The following ZSCAN5A variants were observed in gnomAD, a reference collection of about 807,000 sequenced individuals.
ZSCAN5A encodes zinc finger and SCAN domain containing 5A.
ZSCAN5A carries 12 observed loss-of-function variants against 23.7 expected under a neutral mutation model. That is an observed-to-expected ratio of 0.51 (90% CI 0.32 to 0.82). The LOEUF (loss-of-function observed/expected upper bound fraction) is 0.82, where lower values mean the gene tolerates loss of function less well. Ranked by LOEUF, ZSCAN5A falls within the 40% of genes least tolerant of loss-of-function variation. ZSCAN5A has a pLI of 0.03. For missense variants in ZSCAN5A, 597 were observed against 617.9 expected (o/e 0.97, Z 0.36); for synonymous variants, 257 against 239.9 (o/e 1.07, Z -0.66).
chr19:56,344,923 A>AAG lies in ZSCAN5A; in HGVS notation c.-358+18311_-358+18312insCT, dbSNP rs1310589771. Reference sequence around the variant, plus strand: ...AGACTCCGTCTCAAAAAAAAAAAAAAAAAAAAAAAAAAGAAAAAAAAGATA... The same window carrying AAG: ...AGACTCCGTCTCAAAAAAAAAAAAAAAGAAAAAAAAAAAAGAAAAAAAAGATA... On this transcript the variant is annotated intron_variant, in intron 2 of 6. Transcript: ENST00000587340. 9.7e-4 allele frequency among the ~76,000 whole-genome samples: 143 copies of AAG among 146,850 alleles called. 2 individuals carry two copies. Among genetic ancestry groups the AAG allele is most frequent in the African/African-American group, 3.5e-3 (136 of 39,304 alleles).
chr19:56,358,088 A>G (rs1022051362), intron 2 of ZSCAN5A, among the ~76,000 whole-genome samples: 1 of 148,772 alleles, frequency 6.7e-6, no homozygotes, highest in Non-Finnish European at 1.5e-5. Flanking sequence ...TATTCACCCA[A>G]TACAGGAGCA....
intron 2 of ZSCAN5A, among the ~76,000 whole-genome samples, chr19:56,346,928 C>CG (rs1568762510): frequency 6.6e-6 from 1 of 152,100 alleles, no homozygotes; most frequent in East Asian, 1.9e-4. Context: ...GGGGTTTCAC[C>CG]GCGTTAGCCA....
At chr19:56,243,972 A>G in intron 2 of ZSCAN5A, 1 of 629,726 alleles carries the variant, frequency 1.6e-6, no homozygotes, top group South Asian at 2.0e-5. Flanking sequence ...GCCTGTCTAG[A>G]TAGGTCTCAA....
rs68085541 is a variant in ZSCAN5A at position 56,331,578 on chromosome 19, C to CTTTTTTTTTTT, written c.-357-15321_-357-15311dup. ...CAGCTATTGTAAATGGAATTGCATT[C>CTTTTTTTTTTT]TTTTTTTTTTTTTTTTTTTTTTTTT... On this transcript the variant is annotated intron_variant, in intron 2 of 6. Coordinates refer to the ZSCAN5A transcript ENST00000587340. Among the ~76,000 whole-genome samples the CTTTTTTTTTTT allele has an allele frequency of 2.0e-4, 10 of 48,964 alleles. 2 individuals carry two copies. Among genetic ancestry groups the CTTTTTTTTTTT allele is most frequent in the African/African-American group, 5.9e-4 (7 of 11,934 alleles). The allele number at this position is 48,964 out of a possible 152,430, so 32.1% of individuals were successfully genotyped here.
intron 2 of ZSCAN5A, among the ~76,000 whole-genome samples, chr19:56,270,058 A>T (rs1212944102): frequency 6.6e-6 from 1 of 152,022 alleles, no homozygotes; most frequent in Non-Finnish European, 1.5e-5. Context: ...GTCTGTGACT[A>T]TAACAACCAG....
intron 2 of ZSCAN5A, among the ~76,000 whole-genome samples, chr19:56,253,289 C>T (rs1045287326): frequency 5.4e-5 from 8 of 147,778 alleles, no homozygotes; most frequent in African/African-American, 1.5e-4. Flanking sequence ...AAAAAAAAGT[C>T]CTCTGGATGG....
intron 2 of ZSCAN5A, among the ~76,000 whole-genome samples, chr19:56,230,339 C>T (rs1008045461): frequency 6.6e-6 from 1 of 152,134 alleles, no homozygotes; most frequent in African/African-American, 2.4e-5. Context: ...CCGCCTCGGC[C>T]TCCCAAAGTG....
chr19:56,229,430 AT>A (rs1206850532), intron 2 of ZSCAN5A, among the ~76,000 whole-genome samples: 9 of 152,312 alleles, frequency 5.9e-5, no homozygotes, highest in African/African-American at 2.2e-4. Context: ...AATTGTAACA[AT>A]TATTTTCTGA....
intron 2 of ZSCAN5A, among the ~76,000 whole-genome samples, chr19:56,332,406 T>A (rs539484229): frequency 6.6e-6 from 1 of 152,356 alleles, no homozygotes; most frequent in East Asian, 1.9e-4. Flanking sequence ...TTTATCATTA[T>A]GAAATGTTTT....
chr19:56,341,697 A>G (rs1054470703), intron 2 of ZSCAN5A, among the ~76,000 whole-genome samples: 13 of 141,478 alleles, frequency 9.2e-5, no homozygotes, highest in African/African-American at 3.1e-4. Context: ...CAGGTTACCA[A>G]AAGGCAAAAA....
At chr19:56,244,551 G>A (rs1406859293) in intron 2 of ZSCAN5A, 8 of 1,160,898 alleles carry the variant, frequency 6.9e-6, no homozygotes, top group Non-Finnish European at 7.3e-6. Context: ...AGGAGAGTTT[G>A]CCCATCAGGG....
chr19:56,257,460 C>T (rs1334231611), intron 2 of ZSCAN5A, among the ~76,000 whole-genome samples: 2 of 152,146 alleles, frequency 1.3e-5, no homozygotes, highest in East Asian at 1.9e-4. Flanking sequence ...TATGTGGGAG[C>T]GAGATGCCCA....
chr19:56,242,957 TGAGTA>T lies in ZSCAN5A; in HGVS notation c.-127-17789_-127-17785del, dbSNP rs746809656. Among the ~76,000 whole-genome samples the T allele has an allele frequency of 2.0e-4, 31 of 152,170 alleles. 1 individual carries two copies. Among genetic ancestry groups the T allele is most frequent in the Non-Finnish European group, 4.3e-4 (29 of 67,976 alleles). ...CCATGCCCGGCTAATTTTTGTATTT[TGAGTA>T]GAGACGAAGTTTCACCATCTTGGTC... On this transcript the variant is annotated intron_variant, in intron 2 of 5. Coordinates refer to ENST00000683990, the MANE Select transcript of ZSCAN5A (RefSeq NM_001322064.3).
chr19:56,246,500 C>G (rs773873215), intron 2 of ZSCAN5A: 1 of 648,264 alleles, frequency 1.5e-6, no homozygotes, highest in African/African-American at 1.8e-5. Flanking sequence ...CAGGGGTTAG[C>G]CCCTCTCTTC....
At chr19:56,307,340 T>A (rs1328581666) in intron 2 of ZSCAN5A, among the ~76,000 whole-genome samples, 1 of 152,182 alleles carries the variant, frequency 6.6e-6, no homozygotes, top group African/African-American at 2.4e-5. Context: ...AATCCACCAG[T>A]GGAAACTCAC....
chr19:56,224,476 C>T lies in ZSCAN5A; in HGVS notation c.384+187G>A, dbSNP rs1046942450. Reference sequence around the variant, plus strand: ...CTGAGCGTTAGAGAACGCTTAGCAGCGTCTCCTGTCCTCCCTGACAACAAA... The same window carrying T: ...CTGAGCGTTAGAGAACGCTTAGCAGTGTCTCCTGTCCTCCCTGACAACAAA... On this transcript the variant is annotated intron_variant, in intron 3 of 5. Transcript: ENST00000683990. 2.5e-5 allele frequency: 21 copies of T among 856,502 alleles called. 1 individual carries two copies. Among genetic ancestry groups the T allele is most frequent in the African/African-American group, 1.0e-4 (6 of 57,970 alleles). The allele number at this position is 856,502 out of a possible 1,614,324, so 53.1% of individuals were successfully genotyped here. A position where few individuals can be genotyped will look rare whatever the true frequency, so the allele number is the denominator to read the frequency against.
intron 2 of ZSCAN5A, among the ~76,000 whole-genome samples, chr19:56,344,510 C>T (rs1332670827): frequency 1.3e-5 from 2 of 152,150 alleles, no homozygotes; most frequent in East Asian, 1.9e-4. Context: ...TGGTGGCTCA[C>T]GCCTGTAATC....
intron 2 of ZSCAN5A, among the ~76,000 whole-genome samples, chr19:56,289,437 C>T (rs1321010162): frequency 3.9e-5 from 6 of 152,252 alleles, no homozygotes; most frequent in Admixed American, 1.3e-4. Context: ...GCAGTCTCTT[C>T]GGAAGACAGA....
At chr19:56,229,450 C>T (rs2034267796) in intron 2 of ZSCAN5A, among the ~76,000 whole-genome samples, 1 of 152,164 alleles carries the variant, frequency 6.6e-6, no homozygotes, top group Non-Finnish European at 1.5e-5. Context: ...GAGGCATGTT[C>T]TCATACTTTG....
Sources: allele counts gnomAD v4.1 joint callset (sites outside exome capture counted in the v4.1 genomes callset), GRCh38; gene constraint gnomAD v4.1.1; transcripts MANE v1.5; gene names NCBI Gene and HGNC (gene_info 2026-07-23, HGNC 2026-07-21).